The following UNC80 variants were observed in gnomAD, a reference collection of about 807,000 sequenced individuals.
UNC80 encodes the protein unc-80 subunit of NALCN channel complex.
Under a neutral mutation model 384.6 loss-of-function variants are expected in UNC80, and 164 were observed. That is an observed-to-expected ratio of 0.43 (90% CI 0.38 to 0.49). The LOEUF (loss-of-function observed/expected upper bound fraction) is 0.49, where lower values mean the gene tolerates loss of function less well. Among genes scored for constraint, UNC80 ranks in the 20% least tolerant of loss-of-function variants. The pLI, the probability that UNC80 is intolerant of heterozygous loss-of-function variation, is 0.00. For missense variants in UNC80, 3,330 were observed against 4,143.0 expected, an observed-to-expected ratio of 0.80 and a Z score of 5.39; for synonymous variants, 1,486 against 1,527.8, an observed-to-expected ratio of 0.97 and a Z score of 0.64.
intron 15 of UNC80, among the ~76,000 whole-genome samples, chr2:209,830,286 A>G (rs1410071302): frequency 6.6e-6 from 1 of 152,220 alleles, no homozygotes; most frequent in Non-Finnish European, 1.5e-5. Flanking sequence ...TCCTCTATAG[A>G]ACCCCTCAAA....
At chr2:209,946,052 CAAGT>C in intron 47 of UNC80, 109 bp downstream of exon 47, 2 of 835,222 alleles carry the variant, frequency 2.4e-6, no homozygotes, top group East Asian at 5.4e-5. Flanking sequence ...AACATTCTGA[CAAGT>C]AAGCTTTTAG....
rs1387561998 is a variant in UNC80, at chr2:209,777,435, G to A, written c.476G>A (p.Gly159Glu). Residue 159 changes from glycine (G) to glutamate (E), a missense_variant, in exon 4 of 65, where the codon GGG becomes GAG. By Grantham distance (98) the Gly-to-Glu change is moderately conservative (BLOSUM62 -2). Around this residue, in one of 8 missense-constraint regions of UNC80, gnomAD observed 937 missense variants for 1,026.8 expected, o/e 0.91. Coordinates refer to ENST00000673920, the MANE Select transcript of UNC80 (RefSeq NM_001371986.1). ...IHQVENQGSP[G>E]QPCQSSSNDE... The stretch of plus-strand genomic sequence containing the variant: ...CAGGTTGAAAACCAGGGTTCTCCAG[G>A]GCAGCCTTGCCAAAGCAGCTCTAAT... 70 of 1,613,992 alleles carry A rather than the reference G, an allele frequency of 4.3e-5. No homozygotes were observed. Among genetic ancestry groups the A allele is most frequent in the Non-Finnish European group, 5.6e-5 (66 of 1,180,026 alleles).
intron 7 of UNC80, among the ~76,000 whole-genome samples, chr2:209,810,980 A>G (rs992067729): frequency 3.3e-5 from 5 of 152,146 alleles, no homozygotes; most frequent in Non-Finnish European, 7.3e-5. Flanking sequence ...TGAGGTATAA[A>G]TGATAGGCTG....
chr2:209,861,292 C>G (rs573848043), intron 22 of UNC80, among the ~76,000 whole-genome samples: 14 of 152,290 alleles, frequency 9.2e-5, no homozygotes, highest in Non-Finnish European at 2.9e-5. Context: ...CTTTCTGCAC[C>G]TATTGAGATA....
At chr2:209,979,340 A>G (rs1479114927) in intron 59 of UNC80, among the ~76,000 whole-genome samples, 5 of 152,228 alleles carry the variant, frequency 3.3e-5, no homozygotes, top group Non-Finnish European at 5.9e-5. Context: ...ATTGTGGATA[A>G]CTAACCAAGG....
chr2:209,984,566 C>T (rs2093239742), intron 60 of UNC80, among the ~76,000 whole-genome samples: 1 of 152,148 alleles, frequency 6.6e-6, no homozygotes, highest in African/African-American at 2.4e-5. Flanking sequence ...CAATGTGTTT[C>T]AGAGCCTATG....
chr2:209,794,944 G>T, intron 7 of UNC80: 1 of 348,482 alleles, frequency 2.9e-6, no homozygotes, highest in Non-Finnish European at 5.6e-6. Context: ...AGTAGAGTGG[G>T]GCATTGCTGA....
Position 209,979,452 on chromosome 2 carries a change from G to T in UNC80, c.9118+744G>T, listed in dbSNP as rs2723218. Among the ~76,000 whole-genome samples the T allele has an allele frequency of 7.0e-4, 106 of 152,004 alleles. 1 individual carries two copies. The highest frequency in any genetic ancestry group is 1.4e-3 in the Admixed American group (21 of 15,290). ...GAAAAGTGAGCCGTGTATATGCCTA[G>T]GACTCAGAAAAGACCAGTTGGCTCT... is the stretch of plus-strand genomic sequence containing the variant. On this transcript the variant is annotated intron_variant, in intron 59 of 64. Coordinates refer to ENST00000673920, the MANE Select transcript of UNC80 (RefSeq NM_001371986.1).
Position 209,945,920 on chromosome 2 carries a change from G to A in UNC80, c.7263G>A (p.Ala2421=), listed in dbSNP as rs10202111. Residue 2421 remains alanine, a synonymous_variant, in exon 47 of 65, where the codon GCG becomes GCA. Transcript: ENST00000673920. ...TTAAGCTCTGTGTCACTGTGGTGGC[G>A]TATGCTCCCGAATCATTCAGAAGGT... ...EAIKLCVTVV[A]YAPESFRSLQ... 0.037 allele frequency: 56,823 copies of A among 1,550,422 alleles called. 3,281 individuals carry two copies. The highest frequency in any genetic ancestry group is 0.23 in the African/African-American group (16,605 of 72,894).
chr2:209,995,186 A>G, intron 64 of UNC80, 143 bp from the exon 65 acceptor site: 1 of 1,063,920 alleles, frequency 9.4e-7, no homozygotes, highest in East Asian at 2.6e-5. Context: ...AGGCCTACGT[A>G]AGGTCCTACC....
chr2:209,934,095 A>C (rs2091078440), intron 39 of UNC80, 90 bp downstream of exon 39: 2 of 1,307,784 alleles, frequency 1.5e-6, no homozygotes, highest in African/African-American at 3.0e-5. Context: ...CATTCATGAG[A>C]AAATTTTCAG....
At chr2:209,981,643 C>T (rs1232356778) in intron 59 of UNC80, among the ~76,000 whole-genome samples, 1 of 152,194 alleles carries the variant, frequency 6.6e-6, no homozygotes, top group Non-Finnish European at 1.5e-5. Context: ...AAAACAAAAT[C>T]ACATACTTAA....
intron 22 of UNC80, among the ~76,000 whole-genome samples, chr2:209,862,288 T>C (rs1481924195): frequency 6.6e-6 from 1 of 152,100 alleles, no homozygotes; most frequent in Admixed American, 6.6e-5. Context: ...CGGAGAAGAA[T>C]GTATGTTCTG....
chr2:209,907,528 G>A (rs984435989), intron 29 of UNC80, among the ~76,000 whole-genome samples: 2 of 152,120 alleles, frequency 1.3e-5, no homozygotes, highest in African/African-American at 4.8e-5. Flanking sequence ...ACTAAAGGAT[G>A]CATAGATGTT....
At chr2:209,809,433 CT>C in intron 7 of UNC80, 2 of 1,466,822 alleles carry the variant, frequency 1.4e-6, no homozygotes, top group Non-Finnish European at 9.6e-7. Flanking sequence ...GCAGCCGTGC[CT>C]TCGCCGACCG....
chr2:209,880,484 C>G (rs1436561116), intron 24 of UNC80, among the ~76,000 whole-genome samples: 1 of 152,212 alleles, frequency 6.6e-6, no homozygotes, highest in Admixed American at 6.5e-5. Context: ...ACAGACATCC[C>G]TCATAAAATG....
chr2:209,980,001 A>G (rs1360851058), intron 59 of UNC80, among the ~76,000 whole-genome samples: 1 of 152,226 alleles, frequency 6.6e-6, no homozygotes, highest in Non-Finnish European at 1.5e-5. Flanking sequence ...CTTACCAGTA[A>G]TATTTGCAGT....
intron 36 of UNC80, 112 bp downstream of exon 36, chr2:209,927,098 T>A: frequency 8.8e-7 from 1 of 1,133,330 alleles, no homozygotes. Context: ...TGAACTGTTT[T>A]ATGCACATAT....
Position 209,777,357 on chromosome 2 carries a change from G to A in UNC80, c.398G>A (p.Gly133Glu), listed in dbSNP as rs138421862. 5 of 1,614,028 alleles carry A rather than the reference G, an allele frequency of 3.1e-6. No individual in the cohort carries two copies. The African/African-American group carries it at 5.3e-5, about 17-fold the overall frequency. ...CAGGACTGCAACAATGAGCGGTTTG[G>A]GGGTACAGACCGAGGCTCCAGCTGG... The part of the protein sequence containing the change: ...APQDCNNERF[G>E]GTDRGSSWGG... Residue 133 changes from glycine (G) to glutamate (E), a missense_variant, in exon 4 of 65, where the codon GGG becomes GAG. Gly to Glu is a moderately conservative substitution (Grantham distance 98). Transcript: ENST00000673920.
Sources: allele counts gnomAD v4.1 joint callset (sites outside exome capture counted in the v4.1 genomes callset), GRCh38; gene constraint gnomAD v4.1.1; regional missense constraint gnomAD v4.1.1; transcripts MANE v1.5; gene names NCBI Gene and HGNC (gene_info 2026-07-23, HGNC 2026-07-21).